ATRNL1: variants seen among roughly 807,000 people sequenced by gnomAD.
ATRNL1 encodes attractin-like protein 1.
Under a neutral mutation model 182.7 loss-of-function variants are expected in ATRNL1, and 95 were observed. That is an observed-to-expected ratio of 0.52 (90% confidence interval 0.44 to 0.62). The LOEUF (loss-of-function observed/expected upper bound fraction) is 0.62, where lower values mean the gene tolerates loss of function less well. Ranked by LOEUF, ATRNL1 falls within the 20% of genes least tolerant of loss-of-function variation. ATRNL1 has a pLI of 0.00. For missense variants in ATRNL1, 1,471 were observed against 1,679.5 expected (o/e 0.88, Z 2.17); for synonymous variants, 576 against 568.3 (o/e 1.01, Z -0.19).
chr10:115,636,855 G>A (rs575655888), intron 26 of ATRNL1, among the ~76,000 whole-genome samples: 3 of 152,288 alleles, frequency 2.0e-5, no homozygotes, highest in Admixed American at 6.5e-5. Context: ...TATCCATACA[G>A]TGGAATATTA....
At chr10:115,150,279 G>C (rs1746174193) in intron 5 of ATRNL1, among the ~76,000 whole-genome samples, 1 of 151,082 alleles carries the variant, frequency 6.6e-6, no homozygotes, top group African/African-American at 2.4e-5. Flanking sequence ...TTTATTGGTA[G>C]ACCACATCTT....
intron 9 of ATRNL1, among the ~76,000 whole-genome samples, chr10:115,227,644 T>C (rs1564835630): frequency 6.6e-6 from 1 of 152,148 alleles, no homozygotes; most frequent in South Asian, 2.1e-4. Context: ...CTATTCACAG[T>C]AGCAAAGACA....
chr10:115,245,465 C>T (rs1554903843), intron 10 of ATRNL1, among the ~76,000 whole-genome samples: 2 of 138,276 alleles, frequency 1.4e-5, no homozygotes, highest in African/African-American at 5.5e-5. Context: ...CGCCATTGCA[C>T]TCCAGCCTGC....
At chr10:115,362,451 A>G (rs1345111979) in intron 19 of ATRNL1, among the ~76,000 whole-genome samples, 1 of 151,974 alleles carries the variant, frequency 6.6e-6, no homozygotes, top group East Asian at 1.9e-4. Flanking sequence ...ATCACCTAAC[A>G]TACTTATGAT....
intron 25 of ATRNL1, among the ~76,000 whole-genome samples, chr10:115,519,761 T>C (rs771917595): frequency 3.0e-4 from 46 of 152,322 alleles, no homozygotes; most frequent in Non-Finnish European, 5.6e-4. Flanking sequence ...CTTTGTAAAA[T>C]GCTACATGTC....
chr10:115,181,795 C>CA (rs1207786990), intron 8 of ATRNL1, among the ~76,000 whole-genome samples: 3 of 151,672 alleles, frequency 2.0e-5, no homozygotes, highest in Non-Finnish European at 4.4e-5. Context: ...TACAAGAAGA[C>CA]AAAGTACCAT....
intron 26 of ATRNL1, among the ~76,000 whole-genome samples, chr10:115,722,496 T>A (rs1555058093): frequency 6.6e-6 from 1 of 152,168 alleles, no homozygotes; most frequent in Admixed American, 6.5e-5. Flanking sequence ...CCACTTCTCT[T>A]CTTTACACCA....
At chr10:115,426,342 A>G (rs782311337) in intron 21 of ATRNL1, 40 bp downstream of exon 21, 38 of 1,425,726 alleles carry the variant, frequency 2.7e-5, no homozygotes, top group Admixed American at 1.1e-4. Flanking sequence ...TAATTGGTGC[A>G]TACTATTAGT....
In ATRNL1 at chr10:115,947,980, G is replaced by C. The variant is rs1589728795; in HGVS notation, c.*3201G>C. ...CGTAGCTGGTATTAACAACCGTGGG[G>C]ACACCAGGCCACTCTTTTTCTACCA... On this transcript the variant is annotated 3_prime_UTR_variant, in exon 29 of 29. Coordinates refer to ENST00000355044, the MANE Select transcript of ATRNL1 (RefSeq NM_207303.4). The C allele has an allele frequency of 6.6e-6, 1 of 152,178 alleles. No individual in the cohort carries two copies. The highest frequency in any genetic ancestry group is 2.4e-5 in the African/African-American group (1 of 41,434). The allele number at this position is 152,178 out of a possible 1,614,324, so 9.4% of individuals were successfully genotyped here. A position where few individuals can be genotyped will look rare whatever the true frequency, so the allele number is the denominator to read the frequency against.
intron 20 of ATRNL1, among the ~76,000 whole-genome samples, chr10:115,395,253 T>C (rs1490804057): frequency 6.6e-6 from 1 of 152,010 alleles, no homozygotes; most frequent in Non-Finnish European, 1.5e-5. Flanking sequence ...CAGTCCAGTG[T>C]TGATGGGCAT....
At chr10:115,356,391 G>A (rs1418549078) in intron 19 of ATRNL1, among the ~76,000 whole-genome samples, 1 of 152,044 alleles carries the variant, frequency 6.6e-6, no homozygotes, top group East Asian at 1.9e-4. Flanking sequence ...ACTACGTTCT[G>A]TGTTGCACAG....
Position 115,333,308 on chromosome 10 carries a change from A to G in ATRNL1, c.3038-974A>G, listed in dbSNP as rs148143098. 3.7e-4 allele frequency among the ~76,000 whole-genome samples: 57 copies of G among 152,306 alleles called. No individual in the cohort carries two copies. In the East Asian group the frequency reaches 0.011, roughly 28 times the overall value. On this transcript the variant is annotated intron_variant, in intron 18 of 28. Coordinates refer to ENST00000355044, the MANE Select transcript of ATRNL1 (RefSeq NM_207303.4). ...ACATGAACTTTATTCTGAAATTTTTATATTCTGCTGTAATATTAACATCGA... is the reference window on the plus strand; with the variant it reads ...ACATGAACTTTATTCTGAAATTTTTGTATTCTGCTGTAATATTAACATCGA...
At chr10:115,929,107 T>C (rs1953321023) in intron 28 of ATRNL1, among the ~76,000 whole-genome samples, 1 of 152,056 alleles carries the variant, frequency 6.6e-6, no homozygotes, top group Admixed American at 6.6e-5. Flanking sequence ...ATTGCATTTT[T>C]ACTCATTTCA....
At chr10:115,375,429 G>C (rs1554949284) in intron 19 of ATRNL1, among the ~76,000 whole-genome samples, 1 of 151,928 alleles carries the variant, frequency 6.6e-6, no homozygotes, top group Non-Finnish European at 1.5e-5. Context: ...TAGCTAATCT[G>C]TGTCTTTTTA....
intron 21 of ATRNL1, among the ~76,000 whole-genome samples, chr10:115,439,103 G>A (rs372423706): frequency 6.6e-6 from 1 of 151,814 alleles, no homozygotes; most frequent in South Asian, 2.1e-4. Flanking sequence ...AAAATAATAA[G>A]GAAGAGAAAA....
chr10:115,798,833 T>C (rs1337941373), intron 27 of ATRNL1, among the ~76,000 whole-genome samples: 5 of 147,424 alleles, frequency 3.4e-5, no homozygotes, highest in African/African-American at 9.9e-5. Flanking sequence ...CTTTTTTCTT[T>C]TTTTTTTTTT....
rs782019775 is a variant in ATRNL1 at position 115,519,304 on chromosome 10, GT to G, written c.3702del (p.Phe1234LeufsTer51). The G allele has an allele frequency of 6.2e-7, 1 of 1,609,912 alleles. No homozygotes were observed. On this transcript the variant is annotated frameshift_variant, in exon 25 of 29. Coordinates refer to ENST00000355044, the MANE Select transcript of ATRNL1 (RefSeq NM_207303.4). LOFTEE classifies it high-confidence loss of function. ...ACAATACAATCATGGACCTTGTGCAGTTTTTTGTCACCTTCTTCAGGTAAAA... is the reference window on the plus strand; with the variant it reads ...ACAATACAATCATGGACCTTGTGCAGTTTTTGTCACCTTCTTCAGGTAAAA... ...QHNTIMDLVQ[F>X]FVTFFSCFLS...
chr10:115,122,502 A>G (rs558873912), intron 3 of ATRNL1, among the ~76,000 whole-genome samples: 4 of 151,926 alleles, frequency 2.6e-5, no homozygotes, highest in African/African-American at 9.7e-5. Context: ...GTTACTCATT[A>G]TATTATTTAC....
intron 20 of ATRNL1, among the ~76,000 whole-genome samples, chr10:115,396,025 T>C (rs1357890350): frequency 3.3e-5 from 5 of 151,810 alleles, no homozygotes; most frequent in African/African-American, 9.7e-5. Context: ...ACCTAAAGTC[T>C]ATTAAGCATG....
Sources: gnomAD v4.1 joint callset for allele counts (sites outside exome capture counted in the v4.1 genomes callset) on GRCh38, gnomAD v4.1.1 for gene constraint, MANE v1.5 for transcripts, NCBI Gene and HGNC (gene_info 2026-07-23, HGNC 2026-07-21) for gene names.